Variants in KLHL8 observed in about 807,000 individuals in gnomAD.
The protein encoded by KLHL8 is kelch like family member 8, also known as kelch-like protein 8.
A neutral mutation model predicts 63.5 loss-of-function variants in KLHL8; 38 were observed. The observed-to-expected ratio is 0.60, with a 90% CI of 0.46 to 0.78. The LOEUF (loss-of-function observed/expected upper bound fraction) is 0.78, where lower values mean the gene tolerates loss of function less well. Among genes scored for constraint, KLHL8 ranks in the 30% least tolerant of loss-of-function variants. KLHL8 has a pLI of 0.00. For missense variants in KLHL8, 566 were observed against 752.4 expected (o/e 0.75, Z 2.90); for synonymous variants, 224 against 254.3 (o/e 0.88, Z 1.13).
Position 87,170,125 on chromosome 4 carries a change from T to C in KLHL8, c.1491A>G (p.Arg497=), listed in dbSNP as rs770738217. 6.2e-7 allele frequency: 1 copy of C among 1,614,194 alleles called. No homozygotes were observed. The highest frequency in any genetic ancestry group is 1.1e-5 in the South Asian group (1 of 91,090). ...WIEVKEMGQR[R]AGNGVSKLHG... ...GAAGCTTGCTAACTCCATTGCCTGC[T>C]CTTCGCTGACCCATTTCTTTAACTT... Residue 497 remains arginine, a synonymous_variant, in exon 8 of 10, where the codon AGA becomes AGG. Transcript: ENST00000273963.
At chr4:87,218,243 T>TG (rs1732675616) in intron 1 of KLHL8, among the ~76,000 whole-genome samples, 1 of 67,672 alleles carries the variant, frequency 1.5e-5, no homozygotes, top group African/African-American at 8.4e-5. Context: ...TTTACCCAAC[T>TG]TTTTTTTTTT....
At chr4:87,167,252 C>A in intron 8 of KLHL8, 1 of 497,576 alleles carries the variant, frequency 2.0e-6, no homozygotes. Context: ...AGGTTGTCAT[C>A]CCAGGACAGG....
intron 1 of KLHL8, among the ~76,000 whole-genome samples, chr4:87,200,188 T>C (rs893073967): frequency 2.3e-5 from 3 of 127,710 alleles, no homozygotes; most frequent in Admixed American, 7.6e-5. Context: ...AGGACTTGAA[T>C]AGACATTTCT....
At chr4:87,221,679 C>CAT (rs200185404), upstream of KLHL8, among the ~76,000 whole-genome samples, 8 of 151,348 alleles carry the variant, frequency 5.3e-5, no homozygotes, top group Admixed American at 3.3e-4. Context: ...TAGAAATGAA[C>CAT]ATATATATAT....
intron 1 of KLHL8, among the ~76,000 whole-genome samples, chr4:87,196,158 T>A (rs537924257): frequency 1.3e-5 from 2 of 151,848 alleles, no homozygotes; most frequent in South Asian, 4.2e-4. Context: ...TGGGAGTTTT[T>A]TTTTTTTTAG....
intron 2 of KLHL8, among the ~76,000 whole-genome samples, chr4:87,190,239 ATGT>A (rs1202062021): frequency 2.0e-5 from 3 of 152,034 alleles, no homozygotes; most frequent in Admixed American, 6.6e-5. Context: ...TACTATTTCA[ATGT>A]TGTTTTGACA....
At chr4:87,168,083 T>C (rs1730474495) in intron 8 of KLHL8, among the ~76,000 whole-genome samples, 1 of 152,184 alleles carries the variant, frequency 6.6e-6, no homozygotes, top group South Asian at 2.1e-4. Context: ...GGAAGATATA[T>C]ACCCTTTAGG....
intron 1 of KLHL8, among the ~76,000 whole-genome samples, chr4:87,228,276 T>C (rs1471395297): frequency 6.6e-6 from 1 of 152,182 alleles, no homozygotes; most frequent in African/African-American, 2.4e-5. Context: ...TCTAATGAAT[T>C]ATTGAACCTA....
At chr4:87,170,015 A>T in intron 8 of KLHL8, 64 bp downstream of exon 8, 1 of 1,261,726 alleles carries the variant, frequency 7.9e-7, no homozygotes, top group Non-Finnish European at 1.1e-6. Flanking sequence ...AATTTTTGTT[A>T]CTCTGTTATA....
At chr4:87,206,780 C>A (rs1000735264) in intron 1 of KLHL8, among the ~76,000 whole-genome samples, 1 of 152,128 alleles carries the variant, frequency 6.6e-6, no homozygotes, top group African/African-American at 2.4e-5. Flanking sequence ...CCTAATTCTC[C>A]CAATGGGATG....
At position 87,218,715 on chromosome 4, in the gene KLHL8, T is replaced by C. The variant is rs151308562; in HGVS notation, c.-152+1703A>G. 1.1e-3 allele frequency among the ~76,000 whole-genome samples: 169 copies of C among 152,290 alleles called. 3 individuals carry two copies. The highest frequency in any genetic ancestry group is 9.3e-3 in the Admixed American group (142 of 15,296). ...GATGAAGCTAAGTGCTCATATGTAG[T>C]TGAATAGAGTATCCTTAGACTTTTT... On this transcript the variant is annotated intron_variant, in intron 1 of 9. Transcript: ENST00000273963.
chr4:87,182,587 ACTT>A (rs1258284718), intron 4 of KLHL8, among the ~76,000 whole-genome samples: 3 of 152,130 alleles, frequency 2.0e-5, no homozygotes, highest in Non-Finnish European at 2.9e-5. Flanking sequence ...AAAAAGTGAT[ACTT>A]CTTATAGCAT....
At chr4:87,224,258 A>G (rs1281152211), upstream of KLHL8, among the ~76,000 whole-genome samples, 1 of 152,096 alleles carries the variant, frequency 6.6e-6, no homozygotes, top group Non-Finnish European at 1.5e-5. Context: ...CAACATTTGC[A>G]TTTTAAGTCT....
chr4:87,238,050 C>T (rs189352491), intron 1 of KLHL8, among the ~76,000 whole-genome samples: 172 of 152,202 alleles, frequency 1.1e-3, no homozygotes, highest in African/African-American at 3.9e-3. Context: ...ATTCTTTTGC[C>T]TCAGCCTCCT....
At chr4:87,189,241 T>C (rs908845342) in intron 2 of KLHL8, among the ~76,000 whole-genome samples, 3 of 152,168 alleles carry the variant, frequency 2.0e-5, no homozygotes, top group African/African-American at 7.2e-5. Flanking sequence ...CAAGAGTAGG[T>C]TGCAGTCTGT....
chr4:87,182,281 G>A (rs1578371605), intron 4 of KLHL8, among the ~76,000 whole-genome samples: 3 of 147,656 alleles, frequency 2.0e-5, no homozygotes, highest in African/African-American at 7.4e-5. Flanking sequence ...TATAAAAAAT[G>A]AGGATAATTA....
At chr4:87,223,048 C>A (rs1389281861), upstream of KLHL8, among the ~76,000 whole-genome samples, 1 of 152,012 alleles carries the variant, frequency 6.6e-6, no homozygotes, top group Middle Eastern at 3.2e-3. Flanking sequence ...TCTTGATTTC[C>A]CCGGCTCAGG....
At chr4:87,220,980 T>C (rs1213353129), upstream of KLHL8, 1 of 152,230 alleles carries the variant, frequency 6.6e-6, no homozygotes, top group Non-Finnish European at 1.5e-5. Flanking sequence ...TTTGCATTTA[T>C]TCCTGTGTCA....
At chr4:87,178,416 G>C (rs1174270198) in intron 5 of KLHL8, 61 bp downstream of exon 5, 1 of 1,449,772 alleles carries the variant, frequency 6.9e-7, no homozygotes, top group African/African-American at 1.5e-5. Flanking sequence ...AATTCTCAGA[G>C]TTGAAATATT....
Sources: allele counts gnomAD v4.1 joint callset (sites outside exome capture counted in the v4.1 genomes callset), GRCh38; gene constraint gnomAD v4.1.1; transcripts MANE v1.5; gene names NCBI Gene and HGNC (gene_info 2026-07-23, HGNC 2026-07-21).